Variants in TNNI3K observed in about 807,000 individuals in gnomAD.
The protein encoded by TNNI3K is TNNI3 interacting kinase.
Under a neutral mutation model 114.5 loss-of-function variants are expected in TNNI3K, and 140 were observed. That is an observed-to-expected ratio of 1.22 (90% CI 1.07 to 1.41). TNNI3K has a LOEUF of 1.41. Ranked by LOEUF, TNNI3K falls within the 40% of genes most tolerant of loss-of-function variation. TNNI3K has a pLI of 0.00. For missense variants in TNNI3K, 1,125 were observed against 1,007.6 expected, an observed-to-expected ratio of 1.12 and a Z score of -1.58; for synonymous variants, 347 against 347.5, an observed-to-expected ratio of 1.00 and a Z score of 0.02.
At chr1:74,435,412 G>A (rs792883) in intron 17 of TNNI3K, among the ~76,000 whole-genome samples, 2,716 of 151,962 alleles carry the variant, frequency 0.018, 54 homozygotes, top group East Asian at 0.06. Context: ...ACCTCATATG[G>A]CTACCTTTTT....
intron 20 of TNNI3K, among the ~76,000 whole-genome samples, chr1:74,446,844 T>A (rs944073951): frequency 6.7e-6 from 1 of 149,650 alleles, no homozygotes; most frequent in South Asian, 2.2e-4. Flanking sequence ...AAAGATCAGA[T>A]AGTTGTAGGT....
At chr1:74,239,401 A>G (rs150823558) in intron 2 of TNNI3K, among the ~76,000 whole-genome samples, 1 of 152,118 alleles carries the variant, frequency 6.6e-6, no homozygotes, top group Non-Finnish European at 1.5e-5. Context: ...ATGAAATGAC[A>G]TTTAAATGAG....
At chr1:74,275,733 C>T (rs906097014) in intron 5 of TNNI3K, among the ~76,000 whole-genome samples, 3 of 152,054 alleles carry the variant, frequency 2.0e-5, no homozygotes, top group East Asian at 3.9e-4. Context: ...TAAGAATAGA[C>T]GAGACTAAAG....
intron 17 of TNNI3K, among the ~76,000 whole-genome samples, chr1:74,379,007 A>G (rs1171616082): frequency 1.3e-5 from 2 of 152,000 alleles, no homozygotes; most frequent in Non-Finnish European, 1.5e-5. Context: ...TTCACAATTT[A>G]TGAACTAATA....
chr1:74,501,621 G>T (rs1206831002), intron 23 of TNNI3K, among the ~76,000 whole-genome samples: 1 of 151,992 alleles, frequency 6.6e-6, no homozygotes, highest in African/African-American at 2.4e-5. Context: ...CGAGTAGCTG[G>T]GATTACAGGC....
At chr1:74,340,578 C>A (rs866671856) in intron 7 of TNNI3K, among the ~76,000 whole-genome samples, 23 of 152,072 alleles carry the variant, frequency 1.5e-4, no homozygotes, top group Non-Finnish European at 3.1e-4. Context: ...ATGTTTCAGC[C>A]ACTGTGGATA....
At chr1:74,510,159 T>C (rs1219322952) in intron 23 of TNNI3K, among the ~76,000 whole-genome samples, 2 of 130,718 alleles carry the variant, frequency 1.5e-5, no homozygotes, top group Non-Finnish European at 3.0e-5. Flanking sequence ...TCTTACCCCC[T>C]GATTTTTACT....
At chr1:74,527,269 A>G (rs745334800) in intron 23 of TNNI3K, among the ~76,000 whole-genome samples, 8 of 152,236 alleles carry the variant, frequency 5.3e-5, no homozygotes, top group Non-Finnish European at 8.8e-5. Flanking sequence ...ACCAATGACC[A>G]CAAACTTTGT....
At chr1:74,310,869 T>C (rs1016915169) in intron 5 of TNNI3K, among the ~76,000 whole-genome samples, 23 of 152,164 alleles carry the variant, frequency 1.5e-4, no homozygotes, top group Non-Finnish European at 2.9e-4. Flanking sequence ...TTTTAGATAC[T>C]TCTTGTTCAC....
At chr1:74,398,969 A>G (rs1249833825) in intron 17 of TNNI3K, among the ~76,000 whole-genome samples, 2 of 151,974 alleles carry the variant, frequency 1.3e-5, no homozygotes, top group African/African-American at 2.4e-5. Flanking sequence ...AGCCTGGCCA[A>G]CATGGTTGAA....
intron 5 of TNNI3K, among the ~76,000 whole-genome samples, chr1:74,306,526 C>T (rs772744814): frequency 6.6e-6 from 1 of 152,206 alleles, no homozygotes; most frequent in Non-Finnish European, 1.5e-5. Flanking sequence ...TTCTCTGCGT[C>T]CATGCCAACA....
chr1:74,400,019 C>A (rs1402645237), intron 17 of TNNI3K, among the ~76,000 whole-genome samples: 1 of 152,168 alleles, frequency 6.6e-6, no homozygotes, highest in African/African-American at 2.4e-5. Flanking sequence ...TAGTGGACCA[C>A]CCAGTTTTGA....
chr1:74,531,851 G>A (rs1646588488), intron 23 of TNNI3K, among the ~76,000 whole-genome samples: 2 of 152,162 alleles, frequency 1.3e-5, no homozygotes, highest in Non-Finnish European at 2.9e-5. Context: ...TATCACATAG[G>A]TAACATTGTT....
At chr1:74,408,594 A>G (rs1269578253) in intron 17 of TNNI3K, among the ~76,000 whole-genome samples, 1 of 152,190 alleles carries the variant, frequency 6.6e-6, no homozygotes, top group East Asian at 1.9e-4. Context: ...GATACATTTC[A>G]TCTGCCCACA....
At chr1:74,343,610 T>C (rs1252055351) in intron 9 of TNNI3K, among the ~76,000 whole-genome samples, 2 of 152,172 alleles carry the variant, frequency 1.3e-5, no homozygotes, top group East Asian at 3.8e-4. Context: ...TTAAACCTTA[T>C]GTGAAAATGT....
At chr1:74,293,165 C>A (rs896495205) in intron 5 of TNNI3K, among the ~76,000 whole-genome samples, 28 of 151,720 alleles carry the variant, frequency 1.8e-4, no homozygotes, top group African/African-American at 4.1e-4. Flanking sequence ...AAGATTAATT[C>A]ACTTTTATTA....
At chr1:74,333,350 G>A (rs889911517) in intron 6 of TNNI3K, among the ~76,000 whole-genome samples, 4 of 152,176 alleles carry the variant, frequency 2.6e-5, no homozygotes, top group Non-Finnish European at 4.4e-5. Flanking sequence ...ACTTTTAGAA[G>A]TACAGGCCCA....
rs3819944 is a variant in TNNI3K, at chr1:74,492,012, A to G, written c.2182-85A>G. 42,347 of 1,379,644 alleles carry G rather than the reference A, an allele frequency of 0.031. 4,215 individuals are homozygous for G. The African/African-American group carries it at 0.33, about 11-fold the overall frequency. 85.5% of individuals were successfully genotyped at this position (1,379,644 alleles called of 1,614,324 possible). A position where few individuals can be genotyped will look rare whatever the true frequency, so the allele number is the denominator to read the frequency against. On this transcript the variant is annotated intron_variant, in intron 22 of 24. Transcript: ENST00000326637. The stretch of plus-strand genomic sequence containing the variant: ...AAATTAAAATATGGGAAACCTTGGA[A>G]TAGAAAGTTAAATCCATATTTTATG...
rs200033057 is a variant in TNNI3K, at chr1:74,436,060, T to TC, written c.1773-20_1773-19insC. 4.1e-3 allele frequency: 5,811 copies of TC among 1,402,566 alleles called. 110 individuals are homozygous for TC. In the African/African-American group the frequency reaches 0.066, roughly 16 times the overall value. 86.9% of individuals were successfully genotyped at this position (1,402,566 alleles called of 1,614,324 possible). Reference sequence around the variant, plus strand: ...CAAAGCTTACTCAATGTCTACTTTTTTTTTTTTTTTTTTTTACAGTCACAA... The same window carrying TC: ...CAAAGCTTACTCAATGTCTACTTTTTCTTTTTTTTTTTTTTTACAGTCACAA... On this transcript the variant is annotated intron_variant, in intron 17 of 24. Transcript: ENST00000326637.
Sources: allele counts gnomAD v4.1 joint callset (sites outside exome capture counted in the v4.1 genomes callset), GRCh38; gene constraint gnomAD v4.1.1; transcripts MANE v1.5; gene names NCBI Gene and HGNC (gene_info 2026-07-23, HGNC 2026-07-21).